RAB33B: variants seen among roughly 807,000 people sequenced by gnomAD.
RAB33B encodes RAB33B, member RAS oncogene family, also known as ras-related protein Rab-33B.
In RAB33B, 6 loss-of-function variants were observed where a neutral mutation model predicts 15.0. The ratio of observed to expected loss-of-function variants is 0.40; its 90% CI spans 0.22 to 0.79. The LOEUF (loss-of-function observed/expected upper bound fraction) is 0.79. Among genes scored for constraint, RAB33B ranks in the 30% least tolerant of loss-of-function variants. RAB33B has a pLI of 0.37. For missense variants in RAB33B, 257 were observed against 296.4 expected (o/e 0.87, Z 0.98); for synonymous variants, 117 against 108.3 (o/e 1.08, Z -0.50).
upstream of RAB33B, chr4:139,451,363 C>CTTTTTTTTTTTTTTTTTTTTTTTTT (rs901731114): frequency 1.8e-5 from 2 of 108,664 alleles, no homozygotes; most frequent in Non-Finnish European, 3.7e-5. Context: ...ACCACACCCA[C>CTTTTTTTTTTTTTTTTTTTTTTTTT]TTTTTTTTTT....
chr4:139,453,860 C>G (rs1024433199), upstream of RAB33B: 3 of 203,494 alleles, frequency 1.5e-5, no homozygotes, highest in African/African-American at 7.0e-5. Flanking sequence ...TCAGTCAGGG[C>G]GCTGGGCCCA....
At chr4:139,463,668 A>G in intron 1 of RAB33B, among the ~76,000 whole-genome samples, 1 of 152,278 alleles carries the variant, frequency 6.6e-6, no homozygotes, top group South Asian at 2.1e-4. Context: ...GCTAAGCCTC[A>G]AGAGTTTTCT....
At chr4:139,468,800 C>A (rs955372739) in intron 1 of RAB33B, among the ~76,000 whole-genome samples, 2 of 152,164 alleles carry the variant, frequency 1.3e-5, no homozygotes, top group African/African-American at 2.4e-5. Context: ...ATTTCTCCTT[C>A]ATGTTTGAAT....
At chr4:139,445,953 G>A in the RAB33B span, among the ~76,000 whole-genome samples, 3 of 152,154 alleles carry the variant, frequency 2.0e-5, no homozygotes, top group African/African-American at 7.2e-5. Flanking sequence ...ACTGGGCTTT[G>A]GCGGAAACGG....
At chr4:139,449,997 C>A (rs1044266608), upstream of RAB33B, 1 of 152,200 alleles carries the variant, frequency 6.6e-6, no homozygotes, top group Non-Finnish European at 1.5e-5. Context: ...CCAGGCCAAG[C>A]ACCTCTAGGG....
chr4:139,443,440 T>C, the RAB33B span, among the ~76,000 whole-genome samples: 1 of 152,236 alleles, frequency 6.6e-6, no homozygotes, highest in African/African-American at 2.4e-5. Context: ...GTTGGTTGGT[T>C]GTTCCTAAGT....
the RAB33B span, among the ~76,000 whole-genome samples, chr4:139,443,096 C>CA: frequency 6.6e-6 from 1 of 151,896 alleles, no homozygotes; most frequent in Non-Finnish European, 1.5e-5. Flanking sequence ...GGGTTCACGC[C>CA]ATTCTCCTGC....
At chr4:139,471,389 G>A (rs1271448183) in intron 1 of RAB33B, among the ~76,000 whole-genome samples, 1 of 152,152 alleles carries the variant, frequency 6.6e-6, no homozygotes, top group Non-Finnish European at 1.5e-5. Context: ...GTACCACACC[G>A]CTGCTGCTCG....
chr4:139,455,738 G>A (rs1750057345), intron 1 of RAB33B, among the ~76,000 whole-genome samples: 1 of 152,148 alleles, frequency 6.6e-6, no homozygotes, highest in African/African-American at 2.4e-5. Flanking sequence ...AATTAGGTTT[G>A]GCCCAGAAGC....
the RAB33B span, among the ~76,000 whole-genome samples, chr4:139,439,888 C>G: frequency 5.9e-5 from 9 of 152,012 alleles, no homozygotes. Context: ...TTTAGGTTTT[C>G]TATCTGTTTT....
the RAB33B span, among the ~76,000 whole-genome samples, chr4:139,439,792 CTGTTCAA>C: frequency 6.6e-6 from 1 of 152,200 alleles, no homozygotes; most frequent in South Asian, 2.1e-4. Context: ...TTTCTTCTAA[CTGTTCAA>C]TGTGCCTTTG....
chr4:139,473,366 C>T lies in RAB33B; in HGVS notation c.*240C>T. 1 of 480,296 alleles carries T rather than the reference C, an allele frequency of 2.1e-6. No individual in the cohort carries two copies. Among genetic ancestry groups the T allele is most frequent in the Non-Finnish European group, 3.7e-6 (1 of 272,724 alleles). 29.8% of individuals were successfully genotyped at this position (480,296 alleles called of 1,614,324 possible). Reference sequence around the variant, plus strand: ...AGATAGGATGAATCTGAACATCTCTCCATCTAGAGCCCAATGAAGGAAGCT... The same window carrying T: ...AGATAGGATGAATCTGAACATCTCTTCATCTAGAGCCCAATGAAGGAAGCT... On this transcript the variant is annotated 3_prime_UTR_variant, in exon 2 of 2. Coordinates refer to ENST00000305626, the MANE Select transcript of RAB33B (RefSeq NM_031296.3).
At chr4:139,442,993 T>A in the RAB33B span, among the ~76,000 whole-genome samples, 1 of 149,070 alleles carries the variant, frequency 6.7e-6, no homozygotes, top group South Asian at 2.1e-4. Flanking sequence ...GTCGCTGGCA[T>A]GAACTTTTTT....
the RAB33B span, among the ~76,000 whole-genome samples, chr4:139,444,607 G>A: frequency 6.6e-6 from 1 of 152,180 alleles, no homozygotes; most frequent in East Asian, 1.9e-4. Flanking sequence ...CACTGGCTCT[G>A]AGCTGACGTT....
At chr4:139,465,662 T>C (rs1363682485) in intron 1 of RAB33B, among the ~76,000 whole-genome samples, 1 of 152,174 alleles carries the variant, frequency 6.6e-6, no homozygotes. Context: ...AAGAGGAATG[T>C]TGTTTAGTCA....
upstream of RAB33B, chr4:139,450,387 AAAGGAG>A (rs1471924233): frequency 6.6e-6 from 1 of 152,250 alleles, no homozygotes; most frequent in Non-Finnish European, 1.5e-5. Flanking sequence ...TTGTGTCTTC[AAAGGAG>A]AAGTAATTCC....
At chr4:139,464,205 A>T (rs1031118619) in intron 1 of RAB33B, among the ~76,000 whole-genome samples, 1 of 152,100 alleles carries the variant, frequency 6.6e-6, no homozygotes, top group Non-Finnish European at 1.5e-5. Context: ...TGAGCCTGGT[A>T]GGTGGAGGCT....
the RAB33B span, among the ~76,000 whole-genome samples, chr4:139,441,032 G>A: frequency 6.3e-4 from 96 of 152,240 alleles, no homozygotes; most frequent in Non-Finnish European, 1.1e-3. Flanking sequence ...ACTCATTCCC[G>A]CATATTTTCC....
chr4:139,475,648 A>T lies in RAB33B; in HGVS notation c.*2522A>T, dbSNP rs1028103416. On this transcript the variant is annotated 3_prime_UTR_variant, in exon 2 of 2. Transcript: ENST00000305626. ...TTTTTAAAGAACAAATCACACATTT[A>T]AAAAATCTGTAGAATTTATTTTAAC... 1 of 152,106 alleles carries T rather than the reference A, an allele frequency of 6.6e-6. No individual in the cohort carries two copies. Among genetic ancestry groups the T allele is most frequent in the Non-Finnish European group, 1.5e-5 (1 of 67,976 alleles). The allele number at this position is 152,106 out of a possible 1,614,324, so 9.4% of individuals were successfully genotyped here. A position where few individuals can be genotyped will look rare whatever the true frequency, so the allele number is the denominator to read the frequency against.
Sources: gnomAD v4.1 joint callset for allele counts (sites outside exome capture counted in the v4.1 genomes callset) on GRCh38, gnomAD v4.1.1 for gene constraint, MANE v1.5 for transcripts, NCBI Gene and HGNC (gene_info 2026-07-23, HGNC 2026-07-21) for gene names.